PKP4: variants seen among roughly 807,000 people sequenced by gnomAD.
PKP4 encodes plakophilin-4.
Under a neutral mutation model 145.1 loss-of-function variants are expected in PKP4, and 90 were observed. The observed-to-expected ratio is 0.62, with a 90% CI of 0.52 to 0.74. The LOEUF is 0.74. Ranked by LOEUF, PKP4 falls within the 30% of genes least tolerant of loss-of-function variation. The pLI, the probability that PKP4 is intolerant of heterozygous loss-of-function variation, is 0.00. For missense variants in PKP4, 1,340 were observed against 1,482.7 expected (o/e 0.90, Z 1.58); for synonymous variants, 563 against 577.2 (o/e 0.98, Z 0.35).
intron 1 of PKP4, among the ~76,000 whole-genome samples, chr2:158,518,100 G>T (rs943449794): frequency 6.6e-6 from 1 of 152,160 alleles, no homozygotes; most frequent in Non-Finnish European, 1.5e-5. Context: ...GAGTTTTTAA[G>T]TTGGCAAGGA....
At chr2:158,623,431 C>T (rs1052496313) in intron 6 of PKP4, among the ~76,000 whole-genome samples, 2 of 152,150 alleles carry the variant, frequency 1.3e-5, no homozygotes, top group Non-Finnish European at 2.9e-5. Context: ...AATCCTCCCT[C>T]CTCAGTCTCC....
At chr2:158,546,887 A>C (rs1421412339) in intron 2 of PKP4, among the ~76,000 whole-genome samples, 1 of 152,210 alleles carries the variant, frequency 6.6e-6, no homozygotes. Flanking sequence ...TAAGATAAGA[A>C]GTAGAAGGTA....
At chr2:158,501,633 C>T (rs1217165242) in intron 1 of PKP4, among the ~76,000 whole-genome samples, 1 of 136,060 alleles carries the variant, frequency 7.3e-6, no homozygotes, top group East Asian at 2.0e-4. Context: ...AGGACTTTGC[C>T]TCCCCTGCCA....
At chr2:158,619,551 A>G (rs918987482) in intron 4 of PKP4, among the ~76,000 whole-genome samples, 1 of 152,216 alleles carries the variant, frequency 6.6e-6, no homozygotes, top group African/African-American at 2.4e-5. Flanking sequence ...CCTTGTATTC[A>G]CCTTCTAAAG....
At chr2:158,504,861 C>T (rs556111255) in intron 1 of PKP4, among the ~76,000 whole-genome samples, 1 of 152,230 alleles carries the variant, frequency 6.6e-6, no homozygotes, top group Admixed American at 6.5e-5. Context: ...CTTCATTTTC[C>T]AACTATTTCA....
chr2:158,634,086 A>G lies in PKP4; in HGVS notation c.1359A>G (p.Leu453=), dbSNP rs762187080. 69 of 1,608,002 alleles carry G rather than the reference A, an allele frequency of 4.3e-5. No individual in the cohort carries two copies. Among genetic ancestry groups the G allele is most frequent in the Admixed American group, 6.7e-5 (4 of 60,000 alleles). ...YRTGSVGIGN[L]QRTSSQRSTL... ...ACTTTCTAGTAGGTATTGGAAATCTACAAAGGACATCCAGCCAACGAAGTA... is the reference window on the plus strand; with the variant it reads ...ACTTTCTAGTAGGTATTGGAAATCTGCAAAGGACATCCAGCCAACGAAGTA... Residue 453 remains leucine (L), a synonymous_variant, in exon 9 of 22, where the codon CTA becomes CTG. Transcript: ENST00000389759.
chr2:158,458,399 C>T (rs1423763091), intron 1 of PKP4: 1 of 152,620 alleles, frequency 6.6e-6, no homozygotes, highest in Non-Finnish European at 1.5e-5. Context: ...GCTAGCCTTT[C>T]GTCTGGGTTT....
At position 158,581,361 on chromosome 2, in the gene PKP4, G is replaced by A. The variant is rs533162988; in HGVS notation, c.245+3978G>A. On this transcript the variant is annotated intron_variant, in intron 3 of 21. Transcript: ENST00000389759. ...TTGATCACCAGTTACCTTTCATACT[G>A]TTTGATTTGGATCCTGTGGCAGAGT... 3.9e-5 allele frequency among the ~76,000 whole-genome samples: 6 copies of A among 152,284 alleles called. No homozygotes were observed. The South Asian group carries it at 1.0e-3, about 26-fold the overall frequency.
chr2:158,495,703 G>C (rs1159637337), intron 1 of PKP4, among the ~76,000 whole-genome samples: 1 of 151,598 alleles, frequency 6.6e-6, no homozygotes, highest in Non-Finnish European at 1.5e-5. Context: ...GCGTGGTAGT[G>C]GGTGCCTGTA....
chr2:158,621,151 T>G (rs761983246), intron 5 of PKP4, 30 bp downstream of exon 5: 2 of 1,613,894 alleles, frequency 1.2e-6, no homozygotes, highest in Non-Finnish European at 1.7e-6. Context: ...AAGTACTGGA[T>G]TTGCTTTTAA....
rs199499910 is a variant in PKP4 at position 158,662,964 on chromosome 2, C to T, written c.2279C>T (p.Ala760Val). The T allele has an allele frequency of 2.6e-5, 42 of 1,613,650 alleles. No individual in the cohort carries two copies. In the East Asian group the frequency reaches 8.9e-4, roughly 34 times the overall value. ...CGGCTGGAGCTGGAGGTGCCCCAGG[C>T]CCGGTTACTGGGACTGAACGAATTG... ...SYRLELEVPQ[A>V]RLLGLNELDD... is the part of the protein sequence containing the mutation. Residue 760 changes from alanine to valine, a missense_variant, in exon 14 of 22, where the codon GCC becomes GTC. Physicochemically the swap from Ala to Val is moderately conservative, Grantham distance 64. Transcript: ENST00000389759.
chr2:158,552,128 C>T (rs569134694), intron 2 of PKP4, among the ~76,000 whole-genome samples: 62 of 152,316 alleles, frequency 4.1e-4, no homozygotes, highest in African/African-American at 1.7e-4. Context: ...GAGAGACACA[C>T]GAGAAGGCTC....
chr2:158,523,313 GT>G (rs1309042430), intron 1 of PKP4, among the ~76,000 whole-genome samples: 1 of 129,004 alleles, frequency 7.8e-6, no homozygotes, highest in Non-Finnish European at 1.6e-5. Context: ...CCTCAAGTGG[GT>G]CCCTGACCCC....
chr2:158,551,135 C>T (rs771133635), intron 2 of PKP4, among the ~76,000 whole-genome samples: 4 of 152,028 alleles, frequency 2.6e-5, no homozygotes, highest in East Asian at 1.9e-4. Flanking sequence ...TTTAGGCTTA[C>T]GTGGAAAAGA....
At position 158,634,244 on chromosome 2, in the gene PKP4, G is replaced by T. The variant is rs554404590; in HGVS notation, c.1517G>T (p.Gly506Val). The change falls in exon 9 of 22, where the codon GGC becomes GTC. Residue 506 changes from glycine (G) to valine (V), a missense_variant. Transcript: ENST00000389759. ...RLQHAVPADD[G>V]TTRSPSIDSI... ...CAGCATGCAGTGCCGGCTGATGATG[G>T]CACCACAAGATCCCCATCAATAGAC... 6.2e-7 allele frequency: 1 copy of T among 1,614,036 alleles called. No individual in the cohort carries two copies. The highest frequency in any genetic ancestry group is 2.2e-5 in the East Asian group (1 of 44,888).
chr2:158,553,053 T>G (rs139653247), intron 2 of PKP4, among the ~76,000 whole-genome samples: 2 of 152,250 alleles, frequency 1.3e-5, no homozygotes, highest in Non-Finnish European at 2.9e-5. Flanking sequence ...GTAGAAAGCA[T>G]GTAAATGATG....
At chr2:158,605,480 C>G (rs888042916) in intron 4 of PKP4, among the ~76,000 whole-genome samples, 1 of 152,076 alleles carries the variant, frequency 6.6e-6, no homozygotes, top group African/African-American at 2.4e-5. Flanking sequence ...GCCTTAAAAC[C>G]TTTATAGCCT....
At chr2:158,538,715 T>C (rs773293996) in intron 2 of PKP4, among the ~76,000 whole-genome samples, 12 of 152,176 alleles carry the variant, frequency 7.9e-5, no homozygotes, top group Admixed American at 7.2e-4. Flanking sequence ...TTAATTTTTG[T>C]ATTTTTAGTA....
At chr2:158,461,819 C>T (rs1689815887) in intron 1 of PKP4, among the ~76,000 whole-genome samples, 1 of 152,192 alleles carries the variant, frequency 6.6e-6, no homozygotes, top group South Asian at 2.1e-4. Flanking sequence ...ACTGCCCCCA[C>T]CACCCTGCCA....
Sources: gnomAD v4.1 joint callset for allele counts (sites outside exome capture counted in the v4.1 genomes callset) on GRCh38, gnomAD v4.1.1 for gene constraint, MANE v1.5 for transcripts, NCBI Gene and HGNC (gene_info 2026-07-23, HGNC 2026-07-21) for gene names.